Variants in AKR1E2 observed in about 807,000 individuals in gnomAD.
AKR1E2 encodes the protein 1,5-anhydro-D-fructose reductase.
AKR1E2 carries 43 observed loss-of-function variants against 41.9 expected under a neutral mutation model. That is an observed-to-expected ratio of 1.03 (90% CI 0.80 to 1.32). The LOEUF (loss-of-function observed/expected upper bound fraction) is 1.32, where lower values mean the gene tolerates loss of function less well. Ranked by LOEUF, AKR1E2 falls within the 40% of genes most tolerant of loss-of-function variation. The pLI, the probability that AKR1E2 is intolerant of heterozygous loss-of-function variation, is 0.00. For missense variants in AKR1E2, 423 were observed against 396.5 expected, an observed-to-expected ratio of 1.07 and a Z score of -0.57; for synonymous variants, 121 against 138.9, an observed-to-expected ratio of 0.87 and a Z score of 0.91.
chr10:4,856,137 A>G, the AKR1E2 span, among the ~76,000 whole-genome samples: 1 of 152,262 alleles, frequency 6.6e-6, no homozygotes, highest in Non-Finnish European at 1.5e-5. Flanking sequence ...AAGGTATGTA[A>G]AGAAAGTAGA....
In AKR1E2 at chr10:4,847,551, T is replaced by C; in HGVS notation, c.*21T>C. 1 of 1,613,176 alleles carries C rather than the reference T, an allele frequency of 6.2e-7. No individual in the cohort carries two copies. The highest frequency in any genetic ancestry group is 8.5e-7 in the Non-Finnish European group (1 of 1,179,270). On this transcript the variant is annotated 3_prime_UTR_variant, in exon 10 of 10. Coordinates refer to ENST00000298375, the MANE Select transcript of AKR1E2 (RefSeq NM_001040177.3). ...ACTGAGGACGCTTCCCCTTCCTTGT[T>C]TCTGCTCAGCCCAGATGCACAGACA...
chr10:4,845,284 C>T (rs1202059371), intron 8 of AKR1E2, among the ~76,000 whole-genome samples: 1 of 152,226 alleles, frequency 6.6e-6, no homozygotes, highest in Non-Finnish European at 1.5e-5. Context: ...CCCCGATTCC[C>T]ACCGGCGTCT....
intron 8 of AKR1E2, among the ~76,000 whole-genome samples, chr10:4,843,915 A>G (rs1272982761): frequency 6.6e-6 from 1 of 152,174 alleles, no homozygotes; most frequent in Non-Finnish European, 1.5e-5. Context: ...AAAGGTATGG[A>G]TTTGGCTAAA....
chr10:4,836,700 G>T (rs1192670693), intron 4 of AKR1E2, among the ~76,000 whole-genome samples: 1 of 152,186 alleles, frequency 6.6e-6, no homozygotes. Flanking sequence ...CAGGGCCCAT[G>T]GGCCTCAACT....
downstream of AKR1E2, among the ~76,000 whole-genome samples, chr10:4,848,804 G>T (rs1834470691): frequency 6.6e-6 from 1 of 152,162 alleles, no homozygotes; most frequent in Admixed American, 6.5e-5. Context: ...TAAAAGTTGT[G>T]CTTTTCTAGC....
chr10:4,841,126 C>T (rs539971445), intron 6 of AKR1E2, among the ~76,000 whole-genome samples: 1 of 152,254 alleles, frequency 6.6e-6, no homozygotes, highest in Middle Eastern at 3.4e-3. Flanking sequence ...AGTCAGGGAG[C>T]TCTCAGACTG....
intron 8 of AKR1E2, 138 bp downstream of exon 8, chr10:4,842,642 T>C (rs994376843): frequency 2.8e-6 from 2 of 704,132 alleles, no homozygotes; most frequent in Admixed American, 5.5e-5. Context: ...TGGGTGTTGG[T>C]GGTTGACCTT....
chr10:4,872,613 T>C, the AKR1E2 span, among the ~76,000 whole-genome samples: 1 of 152,194 alleles, frequency 6.6e-6, no homozygotes, highest in South Asian at 2.1e-4. Context: ...CTCCACTCTC[T>C]GTTACCCCTA....
intron 5 of AKR1E2, among the ~76,000 whole-genome samples, chr10:4,838,470 T>A (rs1374952059): frequency 6.6e-6 from 1 of 152,234 alleles, no homozygotes; most frequent in Non-Finnish European, 1.5e-5. Flanking sequence ...AGTTTCCAGT[T>A]TGGGACTATT....
rs757800610 is a variant in AKR1E2 at position 4,837,446 on chromosome 10, C to T, written c.460-13C>T. 3.5e-5 allele frequency: 56 copies of T among 1,613,380 alleles called. No individual in the cohort carries two copies. In the Middle Eastern group the frequency reaches 6.6e-4, roughly 19 times the overall value. On this transcript the variant is annotated splice_polypyrimidine_tract_variant and intron_variant, in intron 4 of 9. Transcript: ENST00000298375. ...ACAGAAGCTTCACACCCAGCAGAGTCGTTCTCTTATAGGCCATGGAGGACC... is the reference window on the plus strand; with the variant it reads ...ACAGAAGCTTCACACCCAGCAGAGTTGTTCTCTTATAGGCCATGGAGGACC...
chr10:4,860,324 G>A, the AKR1E2 span, among the ~76,000 whole-genome samples: 2 of 152,184 alleles, frequency 1.3e-5, no homozygotes, highest in East Asian at 3.9e-4. Context: ...TCTCTTCACG[G>A]TGCCATTGCA....
At chr10:4,829,073 A>G (rs1832769832) in intron 1 of AKR1E2, among the ~76,000 whole-genome samples, 1 of 152,174 alleles carries the variant, frequency 6.6e-6, no homozygotes, top group Non-Finnish European at 1.5e-5. Context: ...GCTTCTGGAA[A>G]GCACCTCCAG....
Position 4,833,364 on chromosome 10 carries a change from C to A in AKR1E2, c.222C>A (p.Cys74Ter). 1 of 1,614,092 alleles carries A rather than the reference C, an allele frequency of 6.2e-7. No individual in the cohort carries two copies. The highest frequency in any genetic ancestry group is 8.5e-7 in the Non-Finnish European group (1 of 1,179,974). ...CTCCTTTGTAGCTGTGGTGCACCTGCCATAAGAAGTCCTTGGTGGAAACAG... is the reference window on the plus strand; with the variant it reads ...CTCCTTTGTAGCTGTGGTGCACCTGACATAAGAAGTCCTTGGTGGAAACAG... Reference protein sequence around the residue: ...LFIATKLWCTCHKKSLVETAC... With the variant: ...LFIATKLWCT Residue 74 changes from cysteine (C) to a stop codon, truncating the protein, a stop_gained, in exon 3 of 10, where the codon TGC (cysteine) becomes TGA (stop). Coordinates refer to ENST00000298375, the MANE Select transcript of AKR1E2 (RefSeq NM_001040177.3). LOFTEE classifies it high-confidence loss of function.
the AKR1E2 span, among the ~76,000 whole-genome samples, chr10:4,861,812 T>G: frequency 6.6e-6 from 1 of 152,222 alleles, no homozygotes. Flanking sequence ...TGGAGTTCTT[T>G]GTAGATTCTG....
the AKR1E2 span, among the ~76,000 whole-genome samples, chr10:4,859,212 C>T: frequency 3.3e-5 from 5 of 152,114 alleles, no homozygotes; most frequent in African/African-American, 9.7e-5. Flanking sequence ...AATTGAATCC[C>T]AATGTGTTAG....
intron 2 of AKR1E2, among the ~76,000 whole-genome samples, chr10:4,831,447 G>T (rs866805057): frequency 6.6e-6 from 1 of 152,294 alleles, no homozygotes; most frequent in South Asian, 2.1e-4. Flanking sequence ...GGCAAAAGGC[G>T]AAGGAGGAAC....
At chr10:4,867,432 A>C in the AKR1E2 span, among the ~76,000 whole-genome samples, 1 of 152,184 alleles carries the variant, frequency 6.6e-6, no homozygotes, top group Non-Finnish European at 1.5e-5. Context: ...TTCTAATTGC[A>C]TTCAGCTGTC....
downstream of AKR1E2, among the ~76,000 whole-genome samples, chr10:4,849,249 C>T (rs150014458): frequency 2.0e-5 from 3 of 152,332 alleles, no homozygotes; most frequent in African/African-American, 4.8e-5. Context: ...GACCTTCCTA[C>T]GATCAGGCCC....
At chr10:4,839,693 G>T in intron 5 of AKR1E2, 36 bp from the exon 6 acceptor site, 1 of 1,578,092 alleles carries the variant, frequency 6.3e-7, no homozygotes, top group South Asian at 1.1e-5. Context: ...GAACACTAGT[G>T]GTCTGAATTT....
Sources: gnomAD v4.1 joint callset for allele counts (sites outside exome capture counted in the v4.1 genomes callset) on GRCh38, gnomAD v4.1.1 for gene constraint, MANE v1.5 for transcripts, NCBI Gene and HGNC (gene_info 2026-07-23, HGNC 2026-07-21) for gene names.